Variants in DNAJC1 observed in about 807,000 individuals in gnomAD.
DNAJC1 encodes the protein DnaJ heat shock protein family (Hsp40) member C1, also known as dnaJ homolog subfamily C member 1.
In DNAJC1, 58 loss-of-function variants were observed where a neutral mutation model predicts 76.6. That is an observed-to-expected ratio of 0.76 (90% confidence interval 0.61 to 0.94). The LOEUF is 0.94. Among genes scored for constraint, DNAJC1 ranks in the 40% least tolerant of loss-of-function variants. The probability of loss-of-function intolerance (pLI) is 0.00; values close to 1 mark genes in which losing one functional copy is unlikely to be tolerated. For missense variants in DNAJC1, 689 were observed against 677.3 expected (o/e 1.02, Z -0.19); for synonymous variants, 258 against 267.9 (o/e 0.96, Z 0.36).
chr10:21,910,058 G>A (rs1836830127), intron 6 of DNAJC1, among the ~76,000 whole-genome samples: 1 of 152,090 alleles, frequency 6.6e-6, no homozygotes, highest in South Asian at 2.1e-4. Context: ...TAAGCCTGAA[G>A]ATACAATATT....
At chr10:21,978,960 C>T (rs944792005) in intron 1 of DNAJC1, among the ~76,000 whole-genome samples, 3 of 151,900 alleles carry the variant, frequency 2.0e-5, no homozygotes, top group Admixed American at 1.3e-4. Context: ...AGATTAATTA[C>T]CTCTATGACT....
intron 1 of DNAJC1, among the ~76,000 whole-genome samples, chr10:21,969,382 CTCA>C (rs1837940950): frequency 6.6e-6 from 1 of 152,046 alleles, no homozygotes; most frequent in Non-Finnish European, 1.5e-5. Flanking sequence ...AATAAATTAA[CTCA>C]TCATAATTGC....
At chr10:21,837,513 C>G (rs1235260260) in intron 8 of DNAJC1, among the ~76,000 whole-genome samples, 2 of 151,844 alleles carry the variant, frequency 1.3e-5, no homozygotes. Context: ...GGGAGCGCCT[C>G]TGCCCCACTG....
intron 8 of DNAJC1, among the ~76,000 whole-genome samples, chr10:21,839,105 G>T (rs1835524584): frequency 6.6e-6 from 1 of 152,232 alleles, no homozygotes; most frequent in Non-Finnish European, 1.5e-5. Flanking sequence ...AAAGCAGTGT[G>T]TAGAGGGAAA....
chr10:21,770,645 C>T (rs527362631), intron 9 of DNAJC1, among the ~76,000 whole-genome samples: 3 of 152,148 alleles, frequency 2.0e-5, no homozygotes, highest in South Asian at 2.1e-4. Context: ...GTGATCCGCC[C>T]GCCTCGGCCT....
chr10:21,938,420 C>T (rs768177438), intron 1 of DNAJC1, among the ~76,000 whole-genome samples: 9 of 151,330 alleles, frequency 5.9e-5, no homozygotes, highest in Non-Finnish European at 1.3e-4. Flanking sequence ...AGTTTTGCTA[C>T]GTAATAGCAC....
intron 8 of DNAJC1, among the ~76,000 whole-genome samples, chr10:21,809,962 C>A (rs1002963453): frequency 6.9e-6 from 1 of 145,096 alleles, no homozygotes; most frequent in Non-Finnish European, 1.5e-5. Flanking sequence ...ATGTGTGTGG[C>A]GGGGTGGGGG....
chr10:21,813,842 G>C (rs1246239196), intron 8 of DNAJC1, among the ~76,000 whole-genome samples: 1 of 152,120 alleles, frequency 6.6e-6, no homozygotes, highest in Non-Finnish European at 1.5e-5. Context: ...GAGTCAGTTG[G>C]CCCTCTTACT....
chr10:21,907,969 C>T (rs1352197986), intron 6 of DNAJC1, among the ~76,000 whole-genome samples: 2 of 136,590 alleles, frequency 1.5e-5, no homozygotes, highest in Non-Finnish European at 3.0e-5. Context: ...CAGAGTGAGA[C>T]TCTGTCTGAA....
chr10:21,996,562 T>A lies in DNAJC1; in HGVS notation c.222+6651A>T, dbSNP rs45555635. 5.2e-3 allele frequency among the ~76,000 whole-genome samples: 792 copies of A among 152,314 alleles called. 6 individuals carry two copies. Among genetic ancestry groups the A allele is most frequent in the Non-Finnish European group, 9.1e-3 (620 of 68,010 alleles). ...TTTAGAATATATTTCTAGGAATAAT[T>A]GTAATAGCAGAAGCCATTCCACTTT... is the stretch of plus-strand genomic sequence containing the variant. On this transcript the variant is annotated intron_variant, in intron 1 of 11. Coordinates refer to ENST00000376980, the MANE Select transcript of DNAJC1 (RefSeq NM_022365.4).
At chr10:21,852,414 CTG>C (rs1349045091) in intron 8 of DNAJC1, among the ~76,000 whole-genome samples, 1 of 152,124 alleles carries the variant, frequency 6.6e-6, no homozygotes, top group Non-Finnish European at 1.5e-5. Context: ...TTGGACAACA[CTG>C]TGAATGTCCT....
At chr10:21,977,426 TA>T (rs1254612175) in intron 1 of DNAJC1, among the ~76,000 whole-genome samples, 1 of 152,124 alleles carries the variant, frequency 6.6e-6, no homozygotes, top group Non-Finnish European at 1.5e-5. Context: ...CCACGTGAAC[TA>T]AAATATGAAT....
intron 8 of DNAJC1, among the ~76,000 whole-genome samples, chr10:21,821,190 G>A (rs541887690): frequency 1.3e-5 from 2 of 152,204 alleles, no homozygotes; most frequent in South Asian, 4.2e-4. Flanking sequence ...ACTGAGTCCT[G>A]CTTTGGGCAG....
chr10:21,923,593 G>A (rs757459494), intron 3 of DNAJC1, among the ~76,000 whole-genome samples: 3 of 151,800 alleles, frequency 2.0e-5, no homozygotes, highest in Non-Finnish European at 4.4e-5. Context: ...AAATCTCTAT[G>A]ATAAAAAATA....
At chr10:21,805,953 A>T (rs1185270808) in intron 9 of DNAJC1, 27 bp downstream of exon 9, 2 of 1,610,834 alleles carry the variant, frequency 1.2e-6, no homozygotes, top group Non-Finnish European at 1.7e-6. Context: ...TTCTCTCTCT[A>T]TACAATGCAA....
chr10:21,898,754 A>C, intron 7 of DNAJC1, among the ~76,000 whole-genome samples: 1 of 151,798 alleles, frequency 6.6e-6, no homozygotes, highest in Admixed American at 6.6e-5. Context: ...TATTTAGTAC[A>C]TGACGAGGTT....
intron 1 of DNAJC1, among the ~76,000 whole-genome samples, chr10:21,964,535 T>C (rs1837856003): frequency 6.6e-6 from 1 of 152,168 alleles, no homozygotes; most frequent in Admixed American, 6.5e-5. Flanking sequence ...TTTATCCTAT[T>C]TACCATCTTT....
intron 1 of DNAJC1, among the ~76,000 whole-genome samples, chr10:21,968,347 T>G (rs1837923424): frequency 6.6e-6 from 1 of 152,194 alleles, no homozygotes; most frequent in Non-Finnish European, 1.5e-5. Flanking sequence ...GATAAGGGCT[T>G]CTTATCTCAT....
At chr10:22,002,675 CTT>C (rs1838539621) in intron 1 of DNAJC1, among the ~76,000 whole-genome samples, 1 of 152,100 alleles carries the variant, frequency 6.6e-6, no homozygotes, top group South Asian at 2.1e-4. Context: ...GTAAGAAAAA[CTT>C]TTGCAACACA....
Sources: allele counts gnomAD v4.1 joint callset (sites outside exome capture counted in the v4.1 genomes callset), GRCh38; gene constraint gnomAD v4.1.1; transcripts MANE v1.5; gene names NCBI Gene and HGNC (gene_info 2026-07-23, HGNC 2026-07-21).